The following CKS1B variants were observed in gnomAD, a reference collection of about 807,000 sequenced individuals.
CKS1B encodes the protein CDC28 protein kinase regulatory subunit 1B.
Under a neutral mutation model 12.2 loss-of-function variants are expected in CKS1B, and 5 were observed. The observed-to-expected ratio is 0.41, with a 90% confidence interval of 0.21 to 0.86. The LOEUF is 0.86. Among genes scored for constraint, CKS1B ranks in the 40% least tolerant of loss-of-function variants. The probability of loss-of-function intolerance (pLI) is 0.32; values close to 1 mark genes in which losing one functional copy is unlikely to be tolerated. For missense variants in CKS1B, 53 were observed against 99.9 expected (o/e 0.53, Z 2.00); for synonymous variants, 24 against 34.4 (o/e 0.70, Z 1.06).
intron 2 of CKS1B, 109 bp downstream of exon 2, chr1:154,978,223 T>A: frequency 8.9e-7 from 1 of 1,125,846 alleles, no homozygotes. Flanking sequence ...ACTGGTTCCT[T>A]CCCCCTCCAG....
chr1:154,975,147 T>A (rs1009059251), intron 1 of CKS1B: 44 of 599,744 alleles, frequency 7.3e-5, no homozygotes, highest in Non-Finnish European at 1.0e-4. Context: ...ACAGTAATCT[T>A]GTCGAATCCA....
intron 2 of CKS1B, 41 bp downstream of exon 2, chr1:154,978,155 A>G: frequency 1.3e-6 from 2 of 1,590,520 alleles, no homozygotes; most frequent in Non-Finnish European, 1.7e-6. Context: ...GAACTGCTAC[A>G]CTGAGAGAAT....
At chr1:154,978,629 G>T in intron 2 of CKS1B, 96 bp from the exon 3 acceptor site, 1 of 984,660 alleles carries the variant, frequency 1.0e-6, no homozygotes, top group South Asian at 1.4e-5. Flanking sequence ...ATAAAGATCT[G>T]AGTGGGTGAT....
Position 154,975,155 on chromosome 1 carries a change from C to T in CKS1B, c.59+351C>T, listed in dbSNP as rs147262732. 99 of 594,804 alleles carry T rather than the reference C, an allele frequency of 1.7e-4. No homozygotes were observed. In the East Asian group the frequency reaches 2.5e-3, roughly 15 times the overall value. 36.8% of individuals were successfully genotyped at this position (594,804 alleles called of 1,614,324 possible). ...CTGTTTCACAGTAATCTTGTCGAAT[C>T]CAGTGGGAGAACGTAGCAAAAGCGG... On this transcript the variant is annotated intron_variant, in intron 1 of 2. Transcript: ENST00000308987.
At position 154,974,824 on chromosome 1, in the gene CKS1B, C is replaced by T. The variant is rs560161902; in HGVS notation, c.59+20C>T. The T allele has an allele frequency of 2.5e-6, 4 of 1,613,912 alleles. No individual in the cohort carries two copies. The highest frequency in any genetic ancestry group is 8.5e-7 in the Non-Finnish European group (1 of 1,179,886). On this transcript the variant is annotated intron_variant, in intron 1 of 2. Coordinates refer to ENST00000308987, the MANE Select transcript of CKS1B (RefSeq NM_001826.3). ...GTATCGGTTAGTGCTGGCGCGGGAG[C>T]AATAGCGAGGGTCGTGAGCTTTGGC...
intron 1 of CKS1B, among the ~76,000 whole-genome samples, chr1:154,976,616 T>C (rs1657193013): frequency 6.6e-6 from 1 of 152,224 alleles, no homozygotes. Flanking sequence ...TAAAACTGTA[T>C]GTGCTTATAA....
At chr1:154,978,653 G>A (rs999955383) in intron 2 of CKS1B, 72 bp from the exon 3 acceptor site, 1 of 1,236,050 alleles carries the variant, frequency 8.1e-7, no homozygotes, top group South Asian at 1.2e-5. Context: ...TGGGGAGGTG[G>A]TAGTGGAATA....
chr1:154,975,044 GT>G, intron 1 of CKS1B: 1 of 1,047,976 alleles, frequency 9.5e-7, no homozygotes. Flanking sequence ...GGTGGGCGTG[GT>G]TAGGGTACTG....
rs761054648 is a variant in CKS1B, at chr1:154,974,919, AC to A, written c.59+116del. On this transcript the variant is annotated intron_variant, in intron 1 of 2. Transcript: ENST00000308987. ...ATTGGCGCATGCGTACGAGGTGCGA[AC>A]GGGCAATGGTGTGATATTGTGGAAG... is the stretch of plus-strand genomic sequence containing the variant. The A allele has an allele frequency of 3.5e-5, 56 of 1,613,772 alleles. No individual in the cohort carries two copies. The Admixed American group carries it at 8.5e-4, about 24-fold the overall frequency.
chr1:154,974,865 G>A (rs758370231), intron 1 of CKS1B, 61 bp downstream of exon 1: 20 of 1,613,948 alleles, frequency 1.2e-5, no homozygotes, highest in African/African-American at 2.7e-5. Context: ...AGGGCACAAG[G>A]AATTAGTAAC....
At chr1:154,974,866 A>T (rs1657096215) in intron 1 of CKS1B, 62 bp downstream of exon 1, 2 of 1,614,006 alleles carry the variant, frequency 1.2e-6, no homozygotes, top group Non-Finnish European at 1.7e-6. Flanking sequence ...GGGCACAAGG[A>T]ATTAGTAACA....
intron 2 of CKS1B, 54 bp from the exon 3 acceptor site, chr1:154,978,671 G>A (rs1214480893): frequency 6.8e-7 from 1 of 1,469,192 alleles, no homozygotes; most frequent in African/African-American, 1.4e-5. Context: ...ATACACTATA[G>A]GTTGTACATA....
intron 1 of CKS1B, 35 bp downstream of exon 1, chr1:154,974,839 T>G (rs1657093917): frequency 6.2e-7 from 1 of 1,613,828 alleles, no homozygotes; most frequent in Non-Finnish European, 8.5e-7. Context: ...GCGAGGGTCG[T>G]GAGCTTTGGC....
rs201547000 is a variant in CKS1B, at chr1:154,974,964, G to A, written c.59+160G>A. On this transcript the variant is annotated intron_variant, in intron 1 of 2. Transcript: ENST00000308987. ...GTGGAAGGCGTAAGGCGCATGCGCG[G>A]AGGTGGGAGGCGCTCGTAAAACAAA... 1.5e-4 allele frequency: 247 copies of A among 1,605,918 alleles called. 1 individual carries two copies. The highest frequency in any genetic ancestry group is 9.2e-4 in the Admixed American group (55 of 59,996).
At position 154,974,787 on chromosome 1, in the gene CKS1B, C is replaced by T; in HGVS notation, c.42C>T (p.Asp14=). The change falls in exon 1 of 3, where the codon GAC becomes GAT. Residue 14 remains aspartate (D), a synonymous_variant. Transcript: ENST00000308987. ...KQIYYSDKYD[D]EEFEYRHVML... ...TTTACTATTCGGACAAATACGACGACGAGGAGTTTGAGTATCGGTTAGTGC... is the reference window on the plus strand; with the variant it reads ...TTTACTATTCGGACAAATACGACGATGAGGAGTTTGAGTATCGGTTAGTGC... The T allele has an allele frequency of 6.2e-7, 1 of 1,613,772 alleles. No individual in the cohort carries two copies. The highest frequency in any genetic ancestry group is 1.7e-5 in the Admixed American group (1 of 59,942).
intron 1 of CKS1B, chr1:154,975,660 C>T (rs1395923542): frequency 6.5e-6 from 1 of 154,884 alleles, no homozygotes; most frequent in Admixed American, 6.5e-5. Context: ...CTTTTGCTAA[C>T]TCCAGGACGC....
chr1:154,975,167 C>G, intron 1 of CKS1B: 1 of 588,938 alleles, frequency 1.7e-6, no homozygotes, highest in African/African-American at 1.9e-5. Flanking sequence ...AGTGGGAGAA[C>G]GTAGCAAAAG....
At position 154,975,816 on chromosome 1, in the gene CKS1B, C is replaced by T. The variant is rs189231407; in HGVS notation, c.59+1012C>T. ...CCAATTCAGCGTGATGTCTCTTTCA[C>T]CACCATTGAAAACGAAACCAGTAGT... On this transcript the variant is annotated intron_variant, in intron 1 of 2. Coordinates refer to ENST00000308987, the MANE Select transcript of CKS1B (RefSeq NM_001826.3). 2.6e-5 allele frequency: 4 copies of T among 154,846 alleles called. No individual in the cohort carries two copies. The East Asian group carries it at 7.7e-4, about 30-fold the overall frequency. The allele number at this position is 154,846 out of a possible 1,614,324, so 9.6% of individuals were successfully genotyped here.
Position 154,975,083 on chromosome 1 carries a change from A to C in CKS1B, c.59+279A>C, listed in dbSNP as rs1160641275. 6.9e-6 allele frequency: 5 copies of C among 723,990 alleles called. No homozygotes were observed. In the East Asian group the frequency reaches 1.3e-4, roughly 19 times the overall value. 44.8% of individuals were successfully genotyped at this position (723,990 alleles called of 1,614,324 possible). A position where few individuals can be genotyped will look rare whatever the true frequency, so the allele number is the denominator to read the frequency against. On this transcript the variant is annotated intron_variant, in intron 1 of 2. Transcript: ENST00000308987. Reference sequence around the variant, plus strand: ...CACCCTCACCCATGAGGCTTTCTGGATCATTCTCTGAACTTTATCGGGCAA... The same window carrying C: ...CACCCTCACCCATGAGGCTTTCTGGCTCATTCTCTGAACTTTATCGGGCAA...
Sources: gnomAD v4.1 joint callset for allele counts (sites outside exome capture counted in the v4.1 genomes callset) on GRCh38, gnomAD v4.1.1 for gene constraint, MANE v1.5 for transcripts, NCBI Gene and HGNC (gene_info 2026-07-23, HGNC 2026-07-21) for gene names.